FTCDNL1: variants seen among roughly 807,000 people sequenced by gnomAD.
FTCDNL1 encodes formiminotransferase cyclodeaminase N-terminal like.
A neutral mutation model predicts 5.9 loss-of-function variants in FTCDNL1; 11 were observed. The ratio of observed to expected loss-of-function variants is 1.87; its 90% confidence interval spans 1.18 to 3.10. The LOEUF is 3.10. Among genes scored for constraint, FTCDNL1 ranks in the 30% most tolerant of loss-of-function variants. The probability of loss-of-function intolerance (pLI) is 0.00; values close to 1 mark genes in which losing one functional copy is unlikely to be tolerated. For missense variants in FTCDNL1, 115 were observed against 65.5 expected (o/e 1.76, Z -2.61); for synonymous variants, 58 against 24.8 (o/e 2.34, Z -3.99).
At chr2:199,835,627 A>G (rs1574662249) in intron 3 of FTCDNL1, among the ~76,000 whole-genome samples, 1 of 152,198 alleles carries the variant, frequency 6.6e-6, no homozygotes, top group African/African-American at 2.4e-5. Context: ...TTCTAATCCT[A>G]GTGGCCTTGA....
chr2:199,725,542 T>C, the FTCDNL1 span, among the ~76,000 whole-genome samples: 6 of 152,208 alleles, frequency 3.9e-5, no homozygotes, highest in Non-Finnish European at 8.8e-5. Flanking sequence ...TCTTTCCATA[T>C]TCAATGCTTC....
At chr2:199,785,249 C>CTTTTTTT (rs61047289) in intron 3 of FTCDNL1, among the ~76,000 whole-genome samples, 1,448 of 76,732 alleles carry the variant, frequency 0.019, 152 homozygotes, top group Non-Finnish European at 0.025. Context: ...TTCCAAATTC[C>CTTTTTTT]TTTTTTTTTT....
intron 3 of FTCDNL1, among the ~76,000 whole-genome samples, chr2:199,763,772 T>C (rs1440877005): frequency 6.6e-6 from 1 of 152,196 alleles, no homozygotes; most frequent in Admixed American, 6.5e-5. Context: ...CTGTGAAAAT[T>C]TGAAGTAAAT....
At chr2:199,668,823 G>A in the FTCDNL1 span, among the ~76,000 whole-genome samples, 1 of 152,126 alleles carries the variant, frequency 6.6e-6, no homozygotes, top group Admixed American at 6.5e-5. Context: ...AAGAATTAAG[G>A]AAGCAGGCTG....
the FTCDNL1 span, among the ~76,000 whole-genome samples, chr2:199,739,153 G>T: frequency 6.6e-6 from 1 of 152,184 alleles, no homozygotes; most frequent in African/African-American, 2.4e-5. Context: ...TGAAGACTGT[G>T]TTTTAAGTAA....
the FTCDNL1 span, among the ~76,000 whole-genome samples, chr2:199,684,963 T>C: frequency 6.6e-6 from 1 of 152,208 alleles, no homozygotes. Context: ...CTAAAGTGTC[T>C]GTGGTTTTCT....
chr2:199,708,017 T>A, the FTCDNL1 span, among the ~76,000 whole-genome samples: 10 of 152,150 alleles, frequency 6.6e-5, no homozygotes, highest in African/African-American at 2.4e-4. Flanking sequence ...AAATATTATT[T>A]TCTGTGCTTC....
chr2:199,836,272 C>G (rs1225916689), intron 3 of FTCDNL1, among the ~76,000 whole-genome samples: 1 of 152,108 alleles, frequency 6.6e-6, no homozygotes, highest in Non-Finnish European at 1.5e-5. Flanking sequence ...TCAAGGGATC[C>G]TCCCATCTCA....
chr2:199,779,937 G>A (rs1033541599), intron 3 of FTCDNL1, among the ~76,000 whole-genome samples: 2 of 152,212 alleles, frequency 1.3e-5, no homozygotes, highest in African/African-American at 4.8e-5. Flanking sequence ...GAGGACCACA[G>A]CCTGCAAAAT....
chr2:199,701,299 T>TAAAAAA, the FTCDNL1 span, among the ~76,000 whole-genome samples: 2 of 72,354 alleles, frequency 2.8e-5, no homozygotes, highest in African/African-American at 8.9e-5. Flanking sequence ...CTTGAAAGTT[T>TAAAAAA]AAAAAAAAAA....
the FTCDNL1 span, among the ~76,000 whole-genome samples, chr2:199,744,852 A>C: frequency 1.3e-5 from 2 of 152,190 alleles, no homozygotes; most frequent in African/African-American, 4.8e-5. Flanking sequence ...GATTTCCTAG[A>C]GCTAAGCCTG....
At chr2:199,734,829 A>G in the FTCDNL1 span, among the ~76,000 whole-genome samples, 1 of 152,338 alleles carries the variant, frequency 6.6e-6, no homozygotes, top group Admixed American at 6.5e-5. Context: ...CATTCTGATG[A>G]GCTAAGTGTA....
chr2:199,675,350 A>G, the FTCDNL1 span, among the ~76,000 whole-genome samples: 76 of 152,302 alleles, frequency 5.0e-4, no homozygotes, highest in African/African-American at 1.8e-3. Context: ...ATAAGTGTAT[A>G]TAATTAAATC....
At chr2:199,759,253 G>C (rs1698178103), downstream of FTCDNL1, among the ~76,000 whole-genome samples, 1 of 150,574 alleles carries the variant, frequency 6.6e-6, no homozygotes, top group South Asian at 2.1e-4. Flanking sequence ...CTGGGATTAG[G>C]ATGGTGGTCA....
chr2:199,672,781 C>A, the FTCDNL1 span, among the ~76,000 whole-genome samples: 2 of 151,980 alleles, frequency 1.3e-5, no homozygotes, highest in African/African-American at 4.8e-5. Context: ...GCCTGAGCCC[C>A]AAAAGGCACA....
At chr2:199,728,694 G>C in the FTCDNL1 span, among the ~76,000 whole-genome samples, 2 of 152,208 alleles carry the variant, frequency 1.3e-5, no homozygotes, top group South Asian at 4.1e-4. Context: ...GATAGGAGGA[G>C]TTGTTACCAT....
At chr2:199,850,567 G>GC (rs971919390) in intron 1 of FTCDNL1, among the ~76,000 whole-genome samples, 173 bp downstream of exon 1, 95 of 152,164 alleles carry the variant, frequency 6.2e-4, no homozygotes, top group Admixed American at 1.8e-3. Context: ...CCAAACGCAA[G>GC]CCCCCCAAAA....
intron 3 of FTCDNL1, among the ~76,000 whole-genome samples, chr2:199,776,825 T>C (rs534636611): frequency 1.4e-4 from 21 of 152,110 alleles, no homozygotes; most frequent in Non-Finnish European, 2.6e-4. Context: ...TGTGTGTGTA[T>C]GATTATATAT....
chr2:199,752,855 TGA>T, the FTCDNL1 span, among the ~76,000 whole-genome samples: 783 of 106,976 alleles, frequency 7.3e-3, 12 homozygotes, highest in Middle Eastern at 0.12. Flanking sequence ...AGACAGACAA[TGA>T]GAGAGAGAGA....
Sources: gnomAD v4.1 joint callset for allele counts (sites outside exome capture counted in the v4.1 genomes callset) on GRCh38, gnomAD v4.1.1 for gene constraint, MANE v1.5 for transcripts, NCBI Gene and HGNC (gene_info 2026-07-23, HGNC 2026-07-21) for gene names.